SEPTIN6: variants seen among roughly 807,000 people sequenced by gnomAD.
The protein encoded by SEPTIN6 is septin-6.
A neutral mutation model predicts 33.6 loss-of-function variants in SEPTIN6; 8 were observed. The observed-to-expected ratio is 0.24, with a 90% CI of 0.14 to 0.43. The LOEUF (loss-of-function observed/expected upper bound fraction) is 0.43. Ranked by LOEUF, SEPTIN6 falls within the 20% of genes least tolerant of loss-of-function variation. The probability of loss-of-function intolerance (pLI) is 1.00; values close to 1 mark genes in which losing one functional copy is unlikely to be tolerated. For missense variants in SEPTIN6, 250 were observed against 340.8 expected (o/e 0.73, Z 2.10); for synonymous variants, 131 against 140.0 (o/e 0.94, Z 0.45).
chrX:119,644,852 A>G (rs2054218439), intron 5 of SEPTIN6, among the ~76,000 whole-genome samples: 1 of 109,024 alleles, frequency 9.2e-6, no homozygotes, highest in African/African-American at 3.4e-5. Flanking sequence ...CTCCATCTCA[A>G]AAAAAAAGGG....
In SEPTIN6 at chrX:119,683,783, G is replaced by A. The variant is rs146220239; in HGVS notation, c.31-8115C>T. Among the ~76,000 whole-genome samples, 557 of 111,175 alleles carry A rather than the reference G, an allele frequency of 5.0e-3. 2 individuals carry two copies. The highest frequency in any genetic ancestry group is 0.019 in the Middle Eastern group (4 of 214). On this transcript the variant is annotated intron_variant, in intron 1 of 10. Transcript: ENST00000394610. ...TGATACTTTCCTGGGTAGGAAAGTG[G>A]CCTCAGGTATTTTAGAAAAATATTG...
intron 9 of SEPTIN6, among the ~76,000 whole-genome samples, chrX:119,625,635 C>T (rs1388535018): frequency 9.2e-6 from 1 of 108,813 alleles, no homozygotes; most frequent in Non-Finnish European, 1.9e-5. Flanking sequence ...CTCAACCTCC[C>T]GGGTTCAAGC....
Position 119,617,999 on chromosome X carries a change from G to A in SEPTIN6, c.*2094C>T. ...GCAAATAATTACCGGGCGGCGGTGTGGGGAAGTGGTGGTTACCGGTTGGTT... is the reference window on the plus strand; with the variant it reads ...GCAAATAATTACCGGGCGGCGGTGTAGGGAAGTGGTGGTTACCGGTTGGTT... On this transcript the variant is annotated 3_prime_UTR_variant, in exon 11 of 11. Coordinates refer to ENST00000394610, the MANE Select transcript of SEPTIN6 (RefSeq NM_145799.4). 1.2e-6 allele frequency: 1 copy of A among 804,049 alleles called. No individual in the cohort carries two copies. The highest frequency in any genetic ancestry group is 1.5e-6 in the Non-Finnish European group (1 of 670,055). The allele number at this position is 804,049 out of a possible 1,213,427, so 66.3% of individuals were successfully genotyped here. A position where few individuals can be genotyped will look rare whatever the true frequency, so the allele number is the denominator to read the frequency against.
chrX:119,632,094 A>C (rs1274076403), intron 8 of SEPTIN6, among the ~76,000 whole-genome samples: 1 of 108,520 alleles, frequency 9.2e-6, no homozygotes, highest in Non-Finnish European at 1.9e-5. Flanking sequence ...ACAGGGTCTC[A>C]GTATGTTGCC....
intron 8 of SEPTIN6, among the ~76,000 whole-genome samples, chrX:119,631,202 A>C (rs1331044101): frequency 1.0e-5 from 1 of 96,183 alleles, no homozygotes; most frequent in Non-Finnish European, 2.0e-5. Flanking sequence ...TTTTTTTGAG[A>C]CAGAGTCTCG....
intron 1 of SEPTIN6, among the ~76,000 whole-genome samples, chrX:119,684,031 C>T (rs1277434413): frequency 9.2e-6 from 1 of 108,148 alleles, no homozygotes; most frequent in Non-Finnish European, 1.9e-5. Context: ...CCTCTCCCTC[C>T]TGGTTTCAAG....
chrX:119,655,358 C>T (rs1180328175), intron 3 of SEPTIN6, among the ~76,000 whole-genome samples: 4 of 110,106 alleles, frequency 3.6e-5, no homozygotes, highest in Non-Finnish European at 7.6e-5. Flanking sequence ...TTCCCTCCAC[C>T]CCCAGGCCCC....
At chrX:119,690,442 T>C (rs1252782559) in intron 1 of SEPTIN6, among the ~76,000 whole-genome samples, 1 of 109,088 alleles carries the variant, frequency 9.2e-6, no homozygotes, top group Non-Finnish European at 1.9e-5. Flanking sequence ...AAAGAATTCC[T>C]GGCCGGGAGC....
intron 1 of SEPTIN6, among the ~76,000 whole-genome samples, chrX:119,683,477 A>C (rs1360348735): frequency 8.9e-6 from 1 of 112,345 alleles, no homozygotes; most frequent in Non-Finnish European, 1.9e-5. Flanking sequence ...AGCTGAGAAA[A>C]ATGTTTTCTA....
At chrX:119,634,205 A>G (rs1003874899) in intron 7 of SEPTIN6, among the ~76,000 whole-genome samples, 2 of 109,831 alleles carry the variant, frequency 1.8e-5, no homozygotes, top group African/African-American at 6.6e-5. Context: ...CATCTCTACT[A>G]AAAAATACAA....
chrX:119,622,661 C>T (rs1040022893), intron 10 of SEPTIN6, among the ~76,000 whole-genome samples: 1 of 112,416 alleles, frequency 8.9e-6, no homozygotes, highest in Non-Finnish European at 1.9e-5. Context: ...CAATGATTTA[C>T]TTGGGGAAAC....
Position 119,685,382 on chromosome X carries a change from AG to A in SEPTIN6, c.30+7693del, listed in dbSNP as rs1227747966. On this transcript the variant is annotated intron_variant, in intron 1 of 10. Coordinates refer to ENST00000394610, the MANE Select transcript of SEPTIN6 (RefSeq NM_145799.4). Reference sequence around the variant, plus strand: ...CCCACCCAGCTCAAGGGGTCAAAGCAGGGAAGGGGTGGGGTTCAATTCTGCC... The same window carrying A: ...CCCACCCAGCTCAAGGGGTCAAAGCAGGAAGGGGTGGGGTTCAATTCTGCC... Among the ~76,000 whole-genome samples, 3 of 111,213 alleles carry A rather than the reference AG, an allele frequency of 2.7e-5. No homozygotes were observed. In the Admixed American group the frequency reaches 2.9e-4, roughly 11 times the overall value.
chrX:119,648,646 G>A (rs1254603532), intron 5 of SEPTIN6, among the ~76,000 whole-genome samples: 5 of 111,756 alleles, frequency 4.5e-5, no homozygotes, highest in African/African-American at 6.5e-5. Flanking sequence ...CATCTCGGGT[G>A]TACTGATGGA....
chrX:119,624,143 G>A, intron 10 of SEPTIN6: 1 of 211,407 alleles, frequency 4.7e-6, no homozygotes, highest in South Asian at 3.7e-5. Flanking sequence ...TTTTATTATG[G>A]GTTTTTTTTT....
At chrX:119,640,605 G>A (rs2054143515) in intron 6 of SEPTIN6, 87 bp downstream of exon 6, 1 of 778,078 alleles carries the variant, frequency 1.3e-6, no homozygotes, top group East Asian at 3.2e-5. Flanking sequence ...GGACAATTTA[G>A]AAACTTGTCA....
intron 10 of SEPTIN6, among the ~76,000 whole-genome samples, chrX:119,621,447 GT>G (rs2147435732): frequency 1.2e-4 from 1 of 8,682 alleles, no homozygotes; most frequent in African/African-American, 3.2e-4. Context: ...CCCAGAGCTG[GT>G]GTGTGTGTGT....
At chrX:119,662,263 T>C (rs1227489948) in intron 3 of SEPTIN6, among the ~76,000 whole-genome samples, 2 of 112,030 alleles carry the variant, frequency 1.8e-5, no homozygotes, top group African/African-American at 3.2e-5. Context: ...CCTCTTCTCA[T>C]CTCCAATTCT....
At chrX:119,652,699 C>T (rs915201449) in intron 4 of SEPTIN6, among the ~76,000 whole-genome samples, 155 bp downstream of exon 4, 5 of 110,908 alleles carry the variant, frequency 4.5e-5, no homozygotes, top group Non-Finnish European at 9.4e-5. Flanking sequence ...AAGCTTACGA[C>T]GCTGGTGCTG....
intron 9 of SEPTIN6, among the ~76,000 whole-genome samples, chrX:119,628,428 G>A (rs761861807): frequency 4.6e-5 from 5 of 107,717 alleles, no homozygotes; most frequent in Admixed American, 9.9e-5. Context: ...ATAAGCGCGC[G>A]CCACCGCGCC....
Sources: gnomAD v4.1 joint callset for allele counts (sites outside exome capture counted in the v4.1 genomes callset) on GRCh38, gnomAD v4.1.1 for gene constraint, MANE v1.5 for transcripts, NCBI Gene and HGNC (gene_info 2026-07-23, HGNC 2026-07-21) for gene names.